LRGUK: variants seen among roughly 807,000 people sequenced by gnomAD.
LRGUK encodes the protein leucine-rich repeat and guanylate kinase domain-containing protein.
In LRGUK, 65 loss-of-function variants were observed where a neutral mutation model predicts 76.0. The observed-to-expected ratio is 0.85, with a 90% CI of 0.70 to 1.05. LRGUK has a LOEUF of 1.05. LRGUK is among the 50% of genes least tolerant of loss of function. The pLI, the probability that LRGUK is intolerant of heterozygous loss-of-function variation, is 0.00. For synonymous variants in LRGUK, 268 were observed against 265.6 expected (o/e 1.01, Z -0.09); for missense variants, 758 against 732.8 (o/e 1.03, Z -0.40).
chr7:134,147,715 G>T (rs1036952762), intron 4 of LRGUK, among the ~76,000 whole-genome samples: 1 of 152,086 alleles, frequency 6.6e-6, no homozygotes, highest in Non-Finnish European at 1.5e-5. Context: ...GCACCATGGG[G>T]AAGAGGCCTT....
intron 16 of LRGUK, among the ~76,000 whole-genome samples, chr7:134,238,908 C>G (rs576436481): frequency 1.5e-3 from 223 of 152,338 alleles, no homozygotes; most frequent in African/African-American, 5.1e-3. Context: ...CTGTTCTTCT[C>G]TGACCCCACC....
At chr7:134,159,561 C>A (rs960507022) in intron 6 of LRGUK, among the ~76,000 whole-genome samples, 1 of 151,980 alleles carries the variant, frequency 6.6e-6, no homozygotes, top group African/African-American at 2.4e-5. Flanking sequence ...GAGGCTAAGG[C>A]GGGTGGATCA....
At chr7:134,233,226 A>T (rs190069573) in intron 16 of LRGUK, among the ~76,000 whole-genome samples, 1 of 152,350 alleles carries the variant, frequency 6.6e-6, no homozygotes, top group East Asian at 1.9e-4. Flanking sequence ...GAAAGCATAC[A>T]TGAAGGCTAT....
intron 18 of LRGUK, among the ~76,000 whole-genome samples, chr7:134,253,484 C>T (rs550338502): frequency 2.0e-5 from 3 of 152,190 alleles, no homozygotes; most frequent in Non-Finnish European, 2.9e-5. Context: ...TCTTCCGTAT[C>T]ATAGCAGAAA....
intron 12 of LRGUK, among the ~76,000 whole-genome samples, chr7:134,195,284 T>G (rs555228886): frequency 2.0e-5 from 3 of 152,308 alleles, no homozygotes; most frequent in African/African-American, 7.2e-5. Context: ...TTGTGGCTAA[T>G]TTTTTAGTCC....
chr7:134,138,788 A>G (rs1030888845), intron 2 of LRGUK, among the ~76,000 whole-genome samples: 11 of 152,162 alleles, frequency 7.2e-5, no homozygotes, highest in Admixed American at 1.3e-4. Flanking sequence ...GAATCAAGAT[A>G]TCCTGGAAAG....
At chr7:134,174,785 G>GT in intron 8 of LRGUK, 149 bp downstream of exon 8, 2 of 602,744 alleles carry the variant, frequency 3.3e-6, no homozygotes, top group Non-Finnish European at 5.9e-6. Context: ...TTCTAAGGAA[G>GT]GGTTTAGTAG....
downstream of LRGUK, among the ~76,000 whole-genome samples, chr7:134,214,317 A>G (rs568149610): frequency 2.0e-3 from 301 of 152,322 alleles, no homozygotes; most frequent in Non-Finnish European, 3.3e-3. Flanking sequence ...CAGGAGAGAA[A>G]GTAAATCGGC....
the LRGUK span, among the ~76,000 whole-genome samples, chr7:134,275,217 T>C: frequency 6.6e-6 from 1 of 152,190 alleles, no homozygotes; most frequent in Admixed American, 6.5e-5. Context: ...TCCATTTTTT[T>C]CAAATACATC....
intron 5 of LRGUK, among the ~76,000 whole-genome samples, chr7:134,153,774 G>A (rs1798332243): frequency 1.3e-5 from 2 of 152,146 alleles, no homozygotes; most frequent in Admixed American, 6.5e-5. Context: ...CTCCTATAGT[G>A]AAGAGCATTT....
At chr7:134,258,024 T>C (rs1802627423) in intron 18 of LRGUK, among the ~76,000 whole-genome samples, 1 of 152,192 alleles carries the variant, frequency 6.6e-6, no homozygotes, top group African/African-American at 2.4e-5. Flanking sequence ...TCTTGTATAA[T>C]GGATGAGACA....
chr7:134,135,395 G>A (rs1661920302), intron 1 of LRGUK, among the ~76,000 whole-genome samples: 2 of 152,160 alleles, frequency 1.3e-5, no homozygotes, highest in African/African-American at 4.8e-5. Flanking sequence ...TTCTTTTGGA[G>A]GATCTGCCTT....
At chr7:134,245,433 T>A (rs1266274352) in intron 16 of LRGUK, among the ~76,000 whole-genome samples, 1 of 152,182 alleles carries the variant, frequency 6.6e-6, no homozygotes, top group East Asian at 1.9e-4. Flanking sequence ...ATGCAGGTGT[T>A]GTGGCTATCA....
At chr7:134,207,110 T>C (rs965284851) in intron 15 of LRGUK, among the ~76,000 whole-genome samples, 4 of 152,210 alleles carry the variant, frequency 2.6e-5, no homozygotes, top group Non-Finnish European at 4.4e-5. Flanking sequence ...CAGGATTTCA[T>C]TGTTCTTATA....
chr7:134,176,100 A>AT (rs1482285679), intron 8 of LRGUK, among the ~76,000 whole-genome samples: 1 of 152,128 alleles, frequency 6.6e-6, no homozygotes, highest in Admixed American at 6.5e-5. Context: ...TCTGGAAGCC[A>AT]TTATCCTCAG....
chr7:134,264,090 G>T, exon 20 of LRGUK: 3 of 1,025,398 alleles, frequency 2.9e-6, no homozygotes, highest in South Asian at 3.3e-5. Context: ...ACCCACGGAA[G>T]AATGTTCTAC....
At chr7:134,170,378 T>C (rs1585483790) in intron 7 of LRGUK, among the ~76,000 whole-genome samples, 1 of 152,228 alleles carries the variant, frequency 6.6e-6, no homozygotes, top group East Asian at 1.9e-4. Context: ...GTTTCTTTCA[T>C]TACCTTTCAA....
intron 5 of LRGUK, among the ~76,000 whole-genome samples, chr7:134,152,818 A>G (rs1268286391): frequency 6.6e-6 from 1 of 152,114 alleles, no homozygotes; most frequent in East Asian, 1.9e-4. Context: ...AAAAATTGAA[A>G]CAGCCCAAAC....
intron 16 of LRGUK, among the ~76,000 whole-genome samples, chr7:134,229,997 C>CA (rs1049346743): frequency 6.6e-6 from 1 of 151,590 alleles, no homozygotes; most frequent in African/African-American, 2.4e-5. Flanking sequence ...AAATGTAACA[C>CA]AAAAAGCATT....
Sources: gnomAD v4.1 joint callset for allele counts (sites outside exome capture counted in the v4.1 genomes callset) on GRCh38, gnomAD v4.1.1 for gene constraint, MANE v1.5 for transcripts, NCBI Gene and HGNC (gene_info 2026-07-23, HGNC 2026-07-21) for gene names.